ZNF746: variants seen among roughly 807,000 people sequenced by gnomAD.
ZNF746 encodes the protein zinc finger protein 746.
A neutral mutation model predicts 41.0 loss-of-function variants in ZNF746; 13 were observed. The ratio of observed to expected loss-of-function variants is 0.32; its 90% CI spans 0.21 to 0.50. The LOEUF (loss-of-function observed/expected upper bound fraction) is 0.50, where lower values mean the gene tolerates loss of function less well. ZNF746 is among the 20% of genes least tolerant of loss of function. The pLI is 0.98. For synonymous variants in ZNF746, 424 were observed against 396.2 expected, an observed-to-expected ratio of 1.07 and a Z score of -0.83; for missense variants, 811 against 922.9, an observed-to-expected ratio of 0.88 and a Z score of 1.57.
Position 149,487,772 on chromosome 7 carries a change from G to A in ZNF746, c.565+5087C>T, listed in dbSNP as rs114423737. On this transcript the variant is annotated intron_variant, in intron 4 of 6. Coordinates refer to ENST00000458143, the MANE Select transcript of ZNF746 (RefSeq NM_001394198.1). ...TAAAATCTTATTCAAGCACATAGAA[G>A]CCTTCAATAAATGAGTGTTCCAATG... is the stretch of plus-strand genomic sequence containing the variant. 436 of 152,208 alleles carry A rather than the reference G, an allele frequency of 2.9e-3. 3 individuals carry two copies. Among genetic ancestry groups the A allele is most frequent in the African/African-American group, 0.01 (416 of 41,540 alleles). 9.4% of individuals were successfully genotyped at this position (152,208 alleles called of 1,614,324 possible). A position where few individuals can be genotyped will look rare whatever the true frequency, so the allele number is the denominator to read the frequency against.
At chr7:149,493,637 G>A (rs914969361) in intron 3 of ZNF746, among the ~76,000 whole-genome samples, 7 of 152,246 alleles carry the variant, frequency 4.6e-5, no homozygotes, top group African/African-American at 1.7e-4. Context: ...TGTAGGAGAA[G>A]GCTGAAGGAA....
chr7:149,477,858 C>T, intron 4 of ZNF746, 103 bp from the exon 5 acceptor site: 1 of 990,858 alleles, frequency 1.0e-6, no homozygotes, highest in Non-Finnish European at 1.4e-6. Context: ...TTACAAGGGT[C>T]CAACAGCAAA....
chr7:149,497,205 A>C lies in ZNF746; in HGVS notation c.24+308T>G. 1.0e-6 allele frequency: 1 copy of C among 984,648 alleles called. No individual in the cohort carries two copies. Among genetic ancestry groups the C allele is most frequent in the Non-Finnish European group, 1.2e-6 (1 of 829,420 alleles). The allele number at this position is 984,648 out of a possible 1,614,324, so 61.0% of individuals were successfully genotyped here. On this transcript the variant is annotated intron_variant, in intron 1 of 6. Coordinates refer to ENST00000458143, the MANE Select transcript of ZNF746 (RefSeq NM_001394198.1). This position sits in a 1 kb window ranked among gnomAD's most constrained non-coding sequence, Gnocchi z 4.2. ...AGAAAGGAGCCGCGGGTGGGGGGGCACCCAGAAGGAGGGGACAGCGGCTGG... is the reference window on the plus strand; with the variant it reads ...AGAAAGGAGCCGCGGGTGGGGGGGCCCCCAGAAGGAGGGGACAGCGGCTGG...
intron 4 of ZNF746, among the ~76,000 whole-genome samples, chr7:149,480,770 AAAC>A (rs1426454020): frequency 6.6e-6 from 1 of 152,228 alleles, no homozygotes; most frequent in African/African-American, 2.4e-5. Context: ...TGTGTAGGTT[AAAC>A]AACAGAATGG....
intron 4 of ZNF746, chr7:149,488,134 A>G (rs1800682140): frequency 6.6e-6 from 1 of 152,240 alleles, no homozygotes; most frequent in South Asian, 2.1e-4. Context: ...TCGCATCACA[A>G]ATCAGTGGAG....
Position 149,474,477 on chromosome 7 carries a change from G to A in ZNF746, c.1890C>T (p.Pro630=), listed in dbSNP as rs746052958. The change falls in exon 7 of 7, where the codon CCC becomes CCT. Residue 630 remains proline, a synonymous_variant. Coordinates refer to ENST00000458143, the MANE Select transcript of ZNF746 (RefSeq NM_001394198.1). This position sits in a 1 kb window ranked among gnomAD's most constrained non-coding sequence, Gnocchi z 6.3. ...TGGAGGCCAAAGGTCCTTTGGAGGC[G>A]GGGCTCTTGAAGGGATCAGGAGGTG... ...PPAPPDPFKS[P]ASKGPLASTD... The A allele has an allele frequency of 2.5e-6, 4 of 1,610,804 alleles. No individual in the cohort carries two copies. In the South Asian group the frequency reaches 3.3e-5, roughly 13 times the overall value.
At chr7:149,495,689 A>G (rs111899540) in intron 1 of ZNF746, among the ~76,000 whole-genome samples, 1 of 152,228 alleles carries the variant, frequency 6.6e-6, no homozygotes, top group Admixed American at 6.5e-5. Context: ...GGATTCACTT[A>G]GAGAAAGTCA....
chr7:149,496,860 A>G (rs1801015038), intron 1 of ZNF746: 1 of 985,218 alleles, frequency 1.0e-6, no homozygotes, highest in African/African-American at 1.7e-5. Flanking sequence ...TGGTCCTTGA[A>G]CACACAGCCA....
At position 149,477,671 on chromosome 7, in the gene ZNF746, A is replaced by G; in HGVS notation, c.650T>C (p.Leu217Pro). 5.0e-6 allele frequency: 8 copies of G among 1,613,968 alleles called. No individual in the cohort carries two copies. The highest frequency in any genetic ancestry group is 6.8e-6 in the Non-Finnish European group (8 of 1,179,944). ...GELQLQEQQA[L>P]GVEAWAAGQP... Reference sequence around the variant, plus strand: ...CCCGGCTGCCCACGCCTCCACGCCCAGGGCCTGCTGCTCCTGGAGCTGGAG... The same window carrying G: ...CCCGGCTGCCCACGCCTCCACGCCCGGGGCCTGCTGCTCCTGGAGCTGGAG... Residue 217 changes from leucine (L) to proline (P), a missense_variant, in exon 5 of 7, where the codon CTG becomes CCG. Physicochemically the swap from Leu to Pro is moderately conservative, Grantham distance 98. Coordinates refer to ENST00000458143, the MANE Select transcript of ZNF746 (RefSeq NM_001394198.1).
chr7:149,494,318 C>A lies in ZNF746; in HGVS notation c.210G>T (p.Leu70=). 1 of 1,614,086 alleles carries A rather than the reference C, an allele frequency of 6.2e-7. No homozygotes were observed. The highest frequency in any genetic ancestry group is 8.5e-7 in the Non-Finnish European group (1 of 1,179,956). The change falls in exon 2 of 7, where the codon CTG becomes CTT. Residue 70 remains leucine, a synonymous_variant. Transcript: ENST00000458143. This position sits in a 1 kb window ranked among gnomAD's most constrained non-coding sequence, Gnocchi z 5.6. ...LEGKWAVLGT[L]LQEYGLLQRR... ...TCTGCAGCAGCCCGTACTCCTGCAG[C>A]AGGGTCCCCAGCACGGCCCACTTGC...
At position 149,476,786 on chromosome 7, in the gene ZNF746, G is replaced by A. The variant is rs955699177; in HGVS notation, c.883+136C>T. 9 of 1,188,936 alleles carry A rather than the reference G, an allele frequency of 7.6e-6. No individual in the cohort carries two copies. The African/African-American group carries it at 1.3e-4, about 18-fold the overall frequency. 73.6% of individuals were successfully genotyped at this position (1,188,936 alleles called of 1,614,324 possible). A position where few individuals can be genotyped will look rare whatever the true frequency, so the allele number is the denominator to read the frequency against. ...AGATAAATAACAGAATGTGCAAAGG[G>A]TCATAAGAGTGCAGACACCCTAATG... On this transcript the variant is annotated intron_variant, in intron 6 of 6. Coordinates refer to ENST00000458143, the MANE Select transcript of ZNF746 (RefSeq NM_001394198.1).
chr7:149,488,596 T>C (rs1454484346), intron 4 of ZNF746: 1 of 152,086 alleles, frequency 6.6e-6, no homozygotes, highest in Non-Finnish European at 1.5e-5. Flanking sequence ...AGCAGCCAAA[T>C]AATCGTATAA....
intron 4 of ZNF746, among the ~76,000 whole-genome samples, chr7:149,482,836 G>A (rs570630281): frequency 1.7e-4 from 26 of 152,156 alleles, no homozygotes; most frequent in Non-Finnish European, 3.5e-4. Context: ...ACTCTAGGGA[G>A]AAATGAACAA....
Position 149,475,358 on chromosome 7 carries a change from G to A in ZNF746, c.1009C>T (p.Pro337Ser). ...FGPGQATRFF[P>S]SPAQEGAWES... ...CAGGCTCCTTCCTGGGCAGGACTAG[G>A]GAAGAACCGTGTGGCTTGGCCTGGT... Residue 337 changes from proline to serine, a missense_variant, in exon 7 of 7, where the codon CCT becomes TCT. Transcript: ENST00000458143. 1 of 1,614,134 alleles carries A rather than the reference G, an allele frequency of 6.2e-7. No individual in the cohort carries two copies.
chr7:149,482,281 A>G (rs1207010755), intron 4 of ZNF746, among the ~76,000 whole-genome samples: 1 of 152,228 alleles, frequency 6.6e-6, no homozygotes, highest in Non-Finnish European at 1.5e-5. Context: ...CAAGAGACAT[A>G]CCTAAACAGA....
chr7:149,493,781 G>T (rs1424370488), intron 3 of ZNF746, among the ~76,000 whole-genome samples: 1 of 152,192 alleles, frequency 6.6e-6, no homozygotes, highest in Admixed American at 6.5e-5. Flanking sequence ...GCCGTTCCCA[G>T]ACTGGCATTC....
chr7:149,484,313 A>G (rs1487368304), intron 4 of ZNF746, among the ~76,000 whole-genome samples: 1 of 152,232 alleles, frequency 6.6e-6, no homozygotes, highest in African/African-American at 2.4e-5. Context: ...ATTAGCATAC[A>G]GCAATGTTCA....
At chr7:149,487,891 T>C (rs1430564078) in intron 4 of ZNF746, 1 of 152,168 alleles carries the variant, frequency 6.6e-6, no homozygotes, top group Non-Finnish European at 1.5e-5. Flanking sequence ...AGGATTTTCT[T>C]AGGAACTTGA....
Position 149,497,568 on chromosome 7 carries a change from A to AGTC in ZNF746, c.-35_-33dup, listed in dbSNP as rs1416377325. 3.2e-5 allele frequency: 34 copies of AGTC among 1,052,296 alleles called. No individual in the cohort carries two copies. The highest frequency in any genetic ancestry group is 3.8e-5 in the Non-Finnish European group (33 of 876,920). The allele number at this position is 1,052,296 out of a possible 1,614,324, so 65.2% of individuals were successfully genotyped here. The stretch of plus-strand genomic sequence containing the variant: ...GCGCTGTCCCGCCCGGCCCGGAGGA[A>AGTC]GTCGTCGTCGCCGCCGCCGCGCGCG... On this transcript the variant is annotated 5_prime_UTR_variant, in exon 1 of 7. Coordinates refer to ENST00000458143, the MANE Select transcript of ZNF746 (RefSeq NM_001394198.1). This position sits in a 1 kb window ranked among gnomAD's most constrained non-coding sequence, Gnocchi z 4.2.
Sources: allele counts gnomAD v4.1 joint callset (sites outside exome capture counted in the v4.1 genomes callset), GRCh38; gene constraint gnomAD v4.1.1; non-coding constraint Gnocchi (gnomAD v3.1); transcripts MANE v1.5; gene names NCBI Gene and HGNC (gene_info 2026-07-23, HGNC 2026-07-21).